EVL: variants seen among roughly 807,000 people sequenced by gnomAD.
EVL encodes the protein ena/VASP-like protein.
Under a neutral mutation model 59.6 loss-of-function variants are expected in EVL, and 21 were observed. The observed-to-expected ratio is 0.35, with a 90% CI of 0.25 to 0.51. The LOEUF (loss-of-function observed/expected upper bound fraction) is 0.51, where lower values mean the gene tolerates loss of function less well. EVL is among the 20% of genes least tolerant of loss of function. EVL has a pLI of 0.97. For missense variants in EVL, 462 were observed against 546.6 expected (o/e 0.85, Z 1.54); for synonymous variants, 198 against 203.5 (o/e 0.97, Z 0.23).
intron 1 of EVL, among the ~76,000 whole-genome samples, chr14:100,046,669 C>G (rs1177634810): frequency 3.6e-5 from 4 of 109,636 alleles, no homozygotes; most frequent in East Asian, 2.4e-4. Flanking sequence ...CTTCCTCCCC[C>G]GCGCCGCCAA....
At chr14:100,015,997 TGAACCTGG>T (rs2140196261) in intron 1 of EVL, among the ~76,000 whole-genome samples, 1 of 150,564 alleles carries the variant, frequency 6.6e-6, no homozygotes, top group African/African-American at 2.4e-5. Context: ...AAGAATCACA[TGAACCTGG>T]GAGGCAGAGG....
At chr14:100,006,811 C>CAAAAAAA (rs56007744) in intron 1 of EVL, among the ~76,000 whole-genome samples, 1 of 127,892 alleles carries the variant, frequency 7.8e-6, no homozygotes. Flanking sequence ...AGTAAAACAT[C>CAAAAAAA]AAAAAAAAAA....
At position 100,108,018 on chromosome 14, in the gene EVL, T is replaced by C. The variant is rs768117259; in HGVS notation, c.358+10360T>C. ...TGGAGCATAATGTATGTCCTTTTCC[T>C]ACTTGGTTTGCGTGTAATAACATCA... is the stretch of plus-strand genomic sequence containing the variant. On this transcript the variant is annotated intron_variant, in intron 3 of 13. Transcript: ENST00000392920. This position sits in a 1 kb window ranked among gnomAD's most constrained non-coding sequence, Gnocchi z 4.1. 1 of 152,366 alleles carries C rather than the reference T, an allele frequency of 6.6e-6. No homozygotes were observed. Among genetic ancestry groups the C allele is most frequent in the East Asian group, 1.9e-4 (1 of 5,192 alleles). 9.4% of individuals were successfully genotyped at this position (152,366 alleles called of 1,614,324 possible). A position where few individuals can be genotyped will look rare whatever the true frequency, so the allele number is the denominator to read the frequency against.
At chr14:100,111,311 C>T (rs1372229106) in intron 3 of EVL, among the ~76,000 whole-genome samples, 2 of 152,086 alleles carry the variant, frequency 1.3e-5, no homozygotes, top group African/African-American at 2.4e-5. Context: ...CATGCGCCAC[C>T]ACGCCCGGCT....
At chr14:100,120,181 T>A (rs1295830704) in intron 3 of EVL, among the ~76,000 whole-genome samples, 1 of 152,182 alleles carries the variant, frequency 6.6e-6, no homozygotes, top group Non-Finnish European at 1.5e-5. Context: ...GGGGACCCCT[T>A]CTAATCCCTA....
At chr14:99,991,958 C>CTGTGTGTGTGTGTGTGTG (rs1491151315) in intron 1 of EVL, among the ~76,000 whole-genome samples, 1 of 73,404 alleles carries the variant, frequency 1.4e-5, no homozygotes, top group African/African-American at 6.5e-5. Context: ...TGAGGGTCAA[C>CTGTGTGTGTGTGTGTGTG]TCTGTGTGTG....
chr14:100,133,000 C>T (rs1888535337), intron 8 of EVL, among the ~76,000 whole-genome samples: 1 of 152,256 alleles, frequency 6.6e-6, no homozygotes, highest in Non-Finnish European at 1.5e-5. Context: ...CCAGACACTG[C>T]TCCACCCTTG....
intron 1 of EVL, among the ~76,000 whole-genome samples, chr14:100,039,317 A>G (rs1268488665): frequency 6.6e-6 from 1 of 152,202 alleles, no homozygotes. Context: ...GCTCACTGCA[A>G]CTTCCGCCTC....
chr14:99,991,069 T>G (rs2060872763), intron 1 of EVL, among the ~76,000 whole-genome samples: 1 of 152,094 alleles, frequency 6.6e-6, no homozygotes, highest in African/African-American at 2.4e-5. Flanking sequence ...GAAAGAAACT[T>G]GGAGATGAAC....
At chr14:100,027,438 C>T (rs1045352636) in intron 1 of EVL, among the ~76,000 whole-genome samples, 8 of 152,080 alleles carry the variant, frequency 5.3e-5, no homozygotes, top group African/African-American at 1.7e-4. Context: ...AACCATCATT[C>T]TACTCTCTAT....
intron 1 of EVL, among the ~76,000 whole-genome samples, chr14:100,019,900 T>C (rs2061091165): frequency 6.6e-6 from 1 of 152,140 alleles, no homozygotes; most frequent in South Asian, 2.1e-4. Flanking sequence ...GCAGCGTGGA[T>C]AATTGGTCTG....
At position 100,084,726 on chromosome 14, in the gene EVL, C is replaced by G. The variant is rs777264246; in HGVS notation, c.51C>G (p.Val17=). The G allele has an allele frequency of 1.2e-6, 2 of 1,614,194 alleles. No individual in the cohort carries two copies. The highest frequency in any genetic ancestry group is 1.7e-6 in the Non-Finnish European group (2 of 1,180,036). ...SICQARASVM[V]YDDTSKKWVP... ...GCCAAGCCCGGGCTTCCGTGATGGT[C>G]TACGATGACACCAGTAAGAAATGGG... Residue 17 remains valine (V), a synonymous_variant, in exon 2 of 14, where the codon GTC becomes GTG. Coordinates refer to ENST00000392920, the MANE Select transcript of EVL (RefSeq NM_016337.3).
intron 1 of EVL, among the ~76,000 whole-genome samples, chr14:100,026,243 CA>C (rs58784988): frequency 0.31 from 44,772 of 143,464 alleles, 10,905 homozygotes; most frequent in African/African-American, 0.69. Flanking sequence ...AAAAAAAAAA[CA>C]AAAAAAAAAC....
chr14:100,031,393 G>A (rs1330349601), intron 1 of EVL, among the ~76,000 whole-genome samples: 1 of 152,192 alleles, frequency 6.6e-6, no homozygotes, highest in Non-Finnish European at 1.5e-5. Context: ...ACTTCATTGG[G>A]ATAAAATAGG....
Position 100,123,621 on chromosome 14 carries a change from G to GCT in EVL, c.422+19_422+20insCT. The stretch of plus-strand genomic sequence containing the variant: ...AGAGAAGGTAACCCAGCACCCGCAG[G>GCT]GGCCAGGCTGGTCATCTCCCAATCA... On this transcript the variant is annotated intron_variant, in intron 4 of 13. Transcript: ENST00000392920. 1 of 1,613,646 alleles carries GCT rather than the reference G, an allele frequency of 6.2e-7. No homozygotes were observed. Among genetic ancestry groups the GCT allele is most frequent in the Non-Finnish European group, 8.5e-7 (1 of 1,179,724 alleles).
intron 1 of EVL, among the ~76,000 whole-genome samples, chr14:99,996,173 A>G (rs1372444063): frequency 1.4e-5 from 2 of 146,524 alleles, no homozygotes; most frequent in African/African-American, 2.6e-5. Flanking sequence ...TTTTTTTTCC[A>G]ATGGTGCTAT....
intron 1 of EVL, among the ~76,000 whole-genome samples, chr14:100,082,287 A>G (rs1380023571): frequency 1.3e-5 from 2 of 151,664 alleles, no homozygotes; most frequent in East Asian, 3.9e-4. Context: ...TCTTTCATTA[A>G]TGTTTTTTGA....
At chr14:100,013,257 A>T (rs2061028258) in intron 1 of EVL, among the ~76,000 whole-genome samples, 2 of 152,236 alleles carry the variant, frequency 1.3e-5, no homozygotes, top group Non-Finnish European at 2.9e-5. Context: ...TGAACATTTT[A>T]AAAATGGTTA....
Position 100,127,928 on chromosome 14 carries a change from C to T in EVL, c.488-591C>T, listed in dbSNP as rs951818196. Among the ~76,000 whole-genome samples the T allele has an allele frequency of 6.6e-6, 1 of 152,226 alleles. No homozygotes were observed. Among genetic ancestry groups the T allele is most frequent in the Non-Finnish European group, 1.5e-5 (1 of 68,040 alleles). ...AGCAGAGAGCTTGTGGCTGGTTTTC[C>T]TCAGCACCATACCCAGCACCTAGCA... is the stretch of plus-strand genomic sequence containing the variant. On this transcript the variant is annotated intron_variant, in intron 5 of 13. Coordinates refer to ENST00000392920, the MANE Select transcript of EVL (RefSeq NM_016337.3). This position sits in a 1 kb window ranked among gnomAD's most constrained non-coding sequence, Gnocchi z 4.2.
Sources: gnomAD v4.1 joint callset for allele counts (sites outside exome capture counted in the v4.1 genomes callset) on GRCh38, gnomAD v4.1.1 for gene constraint, Gnocchi (gnomAD v3.1) non-coding constraint, MANE v1.5 for transcripts, NCBI Gene and HGNC (gene_info 2026-07-23, HGNC 2026-07-21) for gene names.